The following ASB4 variants were observed in gnomAD, a reference collection of about 807,000 sequenced individuals.
ASB4 encodes ankyrin repeat and SOCS box protein 4.
ASB4 carries 35 observed loss-of-function variants against 38.6 expected under a neutral mutation model. The ratio of observed to expected loss-of-function variants is 0.91; its 90% confidence interval spans 0.69 to 1.20. ASB4 has a LOEUF of 1.20. ASB4 is among the 50% of genes most tolerant of loss of function. The probability of loss-of-function intolerance (pLI) is 0.00; values close to 1 mark genes in which losing one functional copy is unlikely to be tolerated. For synonymous variants in ASB4, 195 were observed against 201.3 expected (o/e 0.97, Z 0.26); for missense variants, 557 against 527.2 (o/e 1.06, Z -0.55).
chr7:95,523,282 G>C (rs1433931814), intron 2 of ASB4, among the ~76,000 whole-genome samples: 1 of 152,192 alleles, frequency 6.6e-6, no homozygotes, highest in Admixed American at 6.5e-5. Context: ...CAACATCACT[G>C]TGTTTAGGAA....
At chr7:95,476,994 A>G (rs1789983577), upstream of ASB4, among the ~76,000 whole-genome samples, 1 of 152,244 alleles carries the variant, frequency 6.6e-6, no homozygotes, top group Admixed American at 6.5e-5. Flanking sequence ...AGAGAAATTC[A>G]TTGTAGGAAA....
intron 2 of ASB4, among the ~76,000 whole-genome samples, chr7:95,518,493 C>T (rs1209402508): frequency 6.6e-6 from 1 of 152,226 alleles, no homozygotes; most frequent in East Asian, 1.9e-4. Flanking sequence ...TGAGAAATAA[C>T]CTTCTGTTGC....
rs1172743935 is a variant in ASB4 at position 95,537,681 on chromosome 7, T to C, written c.1203T>C (p.His401=). 5 of 1,613,910 alleles carry C rather than the reference T, an allele frequency of 3.1e-6. No individual in the cohort carries two copies. The Admixed American group carries it at 5.0e-5, about 16-fold the overall frequency. Residue 401 remains histidine, a synonymous_variant, in exon 5 of 5, where the codon CAT becomes CAC. Coordinates refer to ENST00000325885, the MANE Select transcript of ASB4 (RefSeq NM_016116.3). Reference sequence around the variant, plus strand: ...GAAGAACATTACACAACAGATGCCATAGAGCAATTCCTTTGCTTTCCCTCC... The same window carrying C: ...GAAGAACATTACACAACAGATGCCACAGAGCAATTCCTTTGCTTTCCCTCC... ...AIRRTLHNRC[H]RAIPLLSLPL...
intron 2 of ASB4, among the ~76,000 whole-genome samples, chr7:95,497,949 C>G (rs1357906481): frequency 6.6e-6 from 1 of 152,070 alleles, no homozygotes; most frequent in East Asian, 1.9e-4. Flanking sequence ...TTTGGAATGT[C>G]CTTAGGTTTT....
chr7:95,498,841 T>A (rs757340580), intron 2 of ASB4, among the ~76,000 whole-genome samples: 2 of 152,182 alleles, frequency 1.3e-5, no homozygotes, highest in Non-Finnish European at 2.9e-5. Context: ...AAGTTATGGG[T>A]TAGGTTCGTC....
At chr7:95,524,464 G>A (rs1268422771) in intron 2 of ASB4, among the ~76,000 whole-genome samples, 4 of 150,884 alleles carry the variant, frequency 2.7e-5, no homozygotes, top group Non-Finnish European at 4.4e-5. Context: ...TCTTGACCAA[G>A]GATGTGATTA....
chr7:95,479,008 T>G (rs528667301), intron 1 of ASB4, among the ~76,000 whole-genome samples: 2 of 152,136 alleles, frequency 1.3e-5, no homozygotes. Context: ...GGGAAGACTT[T>G]CAAAAAATCT....
chr7:95,549,138 T>A, the ASB4 span, among the ~76,000 whole-genome samples: 1 of 152,076 alleles, frequency 6.6e-6, no homozygotes, highest in African/African-American at 2.4e-5. Flanking sequence ...AGTAAATCCC[T>A]GACACTTAGG....
chr7:95,519,289 A>G (rs1230835634), intron 2 of ASB4, among the ~76,000 whole-genome samples: 1 of 152,256 alleles, frequency 6.6e-6, no homozygotes, highest in East Asian at 1.9e-4. Context: ...GACTTGAGAA[A>G]TAATTCCAGA....
chr7:95,500,458 C>T (rs371840691), intron 2 of ASB4, among the ~76,000 whole-genome samples: 2 of 148,708 alleles, frequency 1.3e-5, no homozygotes, highest in South Asian at 4.2e-4. Context: ...CCTAGCTACT[C>T]GAAAGGCTGA....
chr7:95,550,367 C>G, the ASB4 span, among the ~76,000 whole-genome samples: 3 of 152,160 alleles, frequency 2.0e-5, no homozygotes, highest in African/African-American at 7.2e-5. Flanking sequence ...ACGCCGTTCT[C>G]TCTGGGAGGT....
chr7:95,482,033 A>C (rs1790025160), upstream of ASB4, among the ~76,000 whole-genome samples: 1 of 152,194 alleles, frequency 6.6e-6, no homozygotes, highest in South Asian at 2.1e-4. Context: ...CACACCTGCT[A>C]TTAGCATTGG....
intron 2 of ASB4, among the ~76,000 whole-genome samples, chr7:95,524,509 G>A (rs1790709844): frequency 6.6e-6 from 1 of 151,736 alleles, no homozygotes. Flanking sequence ...AAAAAAAACT[G>A]TACATATATA....
chr7:95,496,483 G>A (rs770027108), intron 2 of ASB4, among the ~76,000 whole-genome samples: 21 of 152,166 alleles, frequency 1.4e-4, no homozygotes, highest in Admixed American at 3.9e-4. Flanking sequence ...GAGGATGTCA[G>A]AAGTGAATTA....
At chr7:95,496,860 A>G (rs1383391073) in intron 2 of ASB4, among the ~76,000 whole-genome samples, 4 of 152,280 alleles carry the variant, frequency 2.6e-5, no homozygotes, top group Non-Finnish European at 5.9e-5. Flanking sequence ...AACAAAAAAC[A>G]AAGAACAAAA....
At chr7:95,536,935 T>A (rs550655419) in intron 4 of ASB4, among the ~76,000 whole-genome samples, 4 of 152,320 alleles carry the variant, frequency 2.6e-5, no homozygotes, top group Non-Finnish European at 5.9e-5. Context: ...AAGTGACTAT[T>A]AGGCAGGAAA....
chr7:95,500,072 T>C (rs1247225736), intron 2 of ASB4, among the ~76,000 whole-genome samples: 3 of 151,992 alleles, frequency 2.0e-5, no homozygotes, highest in Admixed American at 1.3e-4. Flanking sequence ...AGAATATTTA[T>C]AGATTTGATG....
At chr7:95,495,387 A>G (rs1562810916) in intron 1 of ASB4, among the ~76,000 whole-genome samples, 1 of 152,206 alleles carries the variant, frequency 6.6e-6, no homozygotes, top group East Asian at 1.9e-4. Context: ...TTTTAAAAAA[A>G]TATCCTTGAA....
intron 3 of ASB4, among the ~76,000 whole-genome samples, chr7:95,533,023 A>G (rs1300966855): frequency 6.6e-6 from 1 of 152,158 alleles, no homozygotes; most frequent in Non-Finnish European, 1.5e-5. Flanking sequence ...TAAAACTCCC[A>G]CTAATCTCTG....
Sources: allele counts gnomAD v4.1 joint callset (sites outside exome capture counted in the v4.1 genomes callset), GRCh38; gene constraint gnomAD v4.1.1; transcripts MANE v1.5; gene names NCBI Gene and HGNC (gene_info 2026-07-23, HGNC 2026-07-21).